Variants in NSD3 observed in about 807,000 individuals in gnomAD.
The protein encoded by NSD3 is nuclear receptor binding SET domain protein 3.
A neutral mutation model predicts 160.8 loss-of-function variants in NSD3; 24 were observed. That is an observed-to-expected ratio of 0.15 (90% CI 0.11 to 0.21). NSD3 has a LOEUF of 0.21. Among genes scored for constraint, NSD3 ranks in the 10% least tolerant of loss-of-function variants. The pLI is 1.00. For synonymous variants in NSD3, 520 were observed against 600.0 expected, an observed-to-expected ratio of 0.87 and a Z score of 1.95; for missense variants, 1,157 against 1,735.9, an observed-to-expected ratio of 0.67 and a Z score of 5.93.
intron 4 of NSD3, among the ~76,000 whole-genome samples, chr8:38,335,781 T>C (rs557122840): frequency 1.3e-5 from 2 of 152,310 alleles, no homozygotes; most frequent in South Asian, 4.1e-4. Context: ...GAAATTAAGA[T>C]TTCTTTGAGA....
chr8:38,289,632 T>C (rs778351950), intron 17 of NSD3, 127 bp from the exon 18 acceptor site: 80 of 834,572 alleles, frequency 9.6e-5, no homozygotes, highest in South Asian at 2.7e-4. Flanking sequence ...AGAATTATTT[T>C]CTGGAAGTTA....
chr8:38,333,903 T>C (rs1271679106), intron 4 of NSD3, among the ~76,000 whole-genome samples: 3 of 152,174 alleles, frequency 2.0e-5, no homozygotes, highest in Non-Finnish European at 4.4e-5. Context: ...TACTGACTAA[T>C]AACAATATGG....
At chr8:38,276,747 C>T (rs1808609673) in intron 22 of NSD3, 1 of 495,270 alleles carries the variant, frequency 2.0e-6, no homozygotes, top group Non-Finnish European at 3.6e-6. Context: ...TGCAGTGGTG[C>T]AATCTTGGCT....
At chr8:38,345,475 T>A (rs573169022) in intron 2 of NSD3, among the ~76,000 whole-genome samples, 4 of 152,154 alleles carry the variant, frequency 2.6e-5, no homozygotes, top group Non-Finnish European at 4.4e-5. Flanking sequence ...AGGCAGTCAA[T>A]GCCACTTTCT....
chr8:38,341,163 T>C (rs1488194700), intron 2 of NSD3, among the ~76,000 whole-genome samples: 1 of 151,846 alleles, frequency 6.6e-6, no homozygotes, highest in Non-Finnish European at 1.5e-5. Context: ...AAAAAGTAAG[T>C]GCTAGGAAGA....
intron 8 of NSD3, 125 bp downstream of exon 8, chr8:38,320,947 A>C: frequency 1.2e-6 from 1 of 808,002 alleles, no homozygotes; most frequent in South Asian, 1.8e-5. Flanking sequence ...CCAGGACAGA[A>C]GCGTTAAGAT....
At position 38,290,547 on chromosome 8, in the gene NSD3, C is replaced by T; in HGVS notation, c.3046G>A (p.Val1016Met). 6.2e-7 allele frequency: 1 copy of T among 1,614,168 alleles called. No individual in the cohort carries two copies. The highest frequency in any genetic ancestry group is 8.5e-7 in the Non-Finnish European group (1 of 1,180,022). The change falls in exon 17 of 24, where the codon GTG becomes ATG. Residue 1016 changes from valine to methionine, a missense_variant. Val to Met is a conservative substitution (Grantham distance 21). This residue lies in a region of NSD3 where 437 missense variants were observed against 576.6 expected (regional missense o/e 0.76). Coordinates refer to ENST00000317025, the MANE Select transcript of NSD3 (RefSeq NM_023034.2). ...TTGTCTCCTTCAACATAAGGGAACA[C>T]TCTGCCCTGGTGTACCCAGTAGTAG... Reference protein sequence around the residue: ...HDYYWVHQGRVFPYVEGDKSF... With the variant: ...HDYYWVHQGRMFPYVEGDKSF...
chr8:38,288,756 C>A lies in NSD3; in HGVS notation c.3232G>T (p.Ala1078Ser), dbSNP rs772526501. Residue 1078 changes from alanine to serine, a missense_variant and splice_region_variant, in exon 19 of 24, where the codon GCT (alanine) becomes TCT (serine). Transcript: ENST00000317025. This position sits in a 1 kb window ranked among gnomAD's most constrained non-coding sequence, Gnocchi z 4.5. The stretch of plus-strand genomic sequence containing the variant: ...TGCACCTTTCCTATTACTTTGTTAG[C>A]CTAGAAAACAAAATCGCAAGCGAGA... ...RKPPPYKHIK[A>S]NKVIGKVQIQ... 1 of 1,609,874 alleles carries A rather than the reference C, an allele frequency of 6.2e-7. No homozygotes were observed. Among genetic ancestry groups the A allele is most frequent in the Non-Finnish European group, 8.5e-7 (1 of 1,176,494 alleles).
At position 38,270,864 on chromosome 8, in the gene NSD3, A is replaced by G. The variant is rs1029291956; in HGVS notation, c.*4777T>C. 4 of 152,262 alleles carry G rather than the reference A, an allele frequency of 2.6e-5. No individual in the cohort carries two copies. Among genetic ancestry groups the G allele is most frequent in the Non-Finnish European group, 5.9e-5 (4 of 68,044 alleles). The allele number at this position is 152,262 out of a possible 1,614,324, so 9.4% of individuals were successfully genotyped here. On this transcript the variant is annotated 3_prime_UTR_variant, in exon 24 of 24. Transcript: ENST00000317025. ...TTCTCATCCCCCTCCCGCTTCATAC[A>G]TACGTGCCACAAGCACCCAAACTTG...
In NSD3 at chr8:38,382,150, C is replaced by G. The variant is rs1811600497; in HGVS notation, c.-396G>C. On this transcript the variant is annotated 5_prime_UTR_variant, in exon 1 of 24. Coordinates refer to ENST00000317025, the MANE Select transcript of NSD3 (RefSeq NM_023034.2). The surrounding 1 kb of genome is among the most constrained non-coding windows in gnomAD (Gnocchi z 4.2). ...GCAGCCCGGCCTGGGTAGCACGGTC[C>G]TCGGCGCTCGGCTCGGAATTCGCAC... 6.5e-6 allele frequency: 1 copy of G among 153,252 alleles called. No homozygotes were observed. Among genetic ancestry groups the G allele is most frequent in the African/African-American group, 2.4e-5 (1 of 41,406 alleles). The allele number at this position is 153,252 out of a possible 1,614,324, so 9.5% of individuals were successfully genotyped here.
intron 12 of NSD3, among the ~76,000 whole-genome samples, chr8:38,307,576 TTAAA>T (rs1161378490): frequency 6.6e-6 from 1 of 151,880 alleles, no homozygotes; most frequent in Non-Finnish European, 1.5e-5. Flanking sequence ...AGGGGAAGAG[TTAAA>T]TAAACTATGA....
rs1244323660 is a variant in NSD3 at position 38,276,477 on chromosome 8, T to C, written c.3891A>G (p.Glu1297=). 5 of 1,614,260 alleles carry C rather than the reference T, an allele frequency of 3.1e-6. No homozygotes were observed. In the South Asian group the frequency reaches 5.5e-5, roughly 18 times the overall value. ...TTAACTTAGCATTTTTTGCCTTCTC[T>C]TCATTTGTTGACGCACATGCCGACT... ...RPKSACASTN[E]EKAKNAKLKQ... The change falls in exon 23 of 24, where the codon GAA becomes GAG. Residue 1297 remains glutamate (E), a synonymous_variant. Transcript: ENST00000317025.
rs543271398 is a variant in NSD3 at position 38,331,994 on chromosome 8, C to G, written c.911-409G>C. 4.4e-4 allele frequency among the ~76,000 whole-genome samples: 67 copies of G among 152,368 alleles called. 1 individual carries two copies. Among genetic ancestry groups the G allele is most frequent in the Admixed American group, 5.9e-4 (9 of 15,308 alleles). ...CCAGGCCGGACTGCAGTGGCATGATCCTAGCTCACTGCAGCCTCAAACTCC... is the reference window on the plus strand; with the variant it reads ...CCAGGCCGGACTGCAGTGGCATGATGCTAGCTCACTGCAGCCTCAAACTCC... On this transcript the variant is annotated intron_variant, in intron 4 of 23. Transcript: ENST00000317025.
intron 15 of NSD3, among the ~76,000 whole-genome samples, chr8:38,296,739 A>G (rs987234671): frequency 5.9e-5 from 9 of 151,750 alleles, no homozygotes; most frequent in Middle Eastern, 3.4e-3. Flanking sequence ...CTCTCTATAT[A>G]TATACATATA....
At chr8:38,305,827 A>T (rs138454734) in intron 12 of NSD3, among the ~76,000 whole-genome samples, 269 of 152,300 alleles carry the variant, frequency 1.8e-3, no homozygotes, top group African/African-American at 6.2e-3. Flanking sequence ...TGTGCAAAAT[A>T]TACATAAAAT....
chr8:38,364,712 T>A (rs188558928), intron 1 of NSD3, among the ~76,000 whole-genome samples: 40 of 152,326 alleles, frequency 2.6e-4, no homozygotes, highest in Admixed American at 7.2e-4. Context: ...TAAAAATATA[T>A]AGGGAGAAAG....
chr8:38,307,124 A>T (rs529216013), intron 12 of NSD3, among the ~76,000 whole-genome samples: 136 of 146,828 alleles, frequency 9.3e-4, no homozygotes, highest in South Asian at 2.5e-3. Flanking sequence ...CAAAAAAAAA[A>T]AAAATAAAAT....
In NSD3 at chr8:38,329,782, T is replaced by G; in HGVS notation, c.1177A>C (p.Ile393Leu). 1 of 1,614,224 alleles carries G rather than the reference T, an allele frequency of 6.2e-7. No homozygotes were observed. The highest frequency in any genetic ancestry group is 8.5e-7 in the Non-Finnish European group (1 of 1,180,044). ...TCTTCAGGCTGTTTATCAATGTAAA[T>G]AAAAGTATACTGTTCTATTCTTTCT... ...REERIEQYTF[I>L]YIDKQPEEAL... The change falls in exon 6 of 24, where the codon ATT becomes CTT. Residue 393 changes from isoleucine to leucine, a missense_variant. Coordinates refer to ENST00000317025, the MANE Select transcript of NSD3 (RefSeq NM_023034.2). This position sits in a 1 kb window ranked among gnomAD's most constrained non-coding sequence, Gnocchi z 4.8.
At chr8:38,278,084 A>G (rs376560523) in intron 22 of NSD3, among the ~76,000 whole-genome samples, 42 of 151,990 alleles carry the variant, frequency 2.8e-4, no homozygotes, top group East Asian at 5.8e-4. Context: ...GACTACAGGC[A>G]CCCATCACCA....
Sources: gnomAD v4.1 joint callset for allele counts (sites outside exome capture counted in the v4.1 genomes callset) on GRCh38, gnomAD v4.1.1 for gene constraint, gnomAD v4.1.1 regional missense constraint, Gnocchi (gnomAD v3.1) non-coding constraint, MANE v1.5 for transcripts, NCBI Gene and HGNC (gene_info 2026-07-23, HGNC 2026-07-21) for gene names.